The following AKNA variants were observed in gnomAD, a reference collection of about 807,000 sequenced individuals.
AKNA encodes AT-hook transcription factor.
In AKNA, 67 loss-of-function variants were observed where a neutral mutation model predicts 138.8. That is an observed-to-expected ratio of 0.48 (90% confidence interval 0.40 to 0.59). The LOEUF (loss-of-function observed/expected upper bound fraction) is 0.59, where lower values mean the gene tolerates loss of function less well. AKNA is among the 20% of genes least tolerant of loss of function. The pLI is 0.00. For synonymous variants in AKNA, 737 were observed against 754.4 expected (o/e 0.98, Z 0.38); for missense variants, 1,813 against 1,880.4 (o/e 0.96, Z 0.66).
At chr9:114,358,216 A>T in intron 11 of AKNA, 49 bp from the exon 12 acceptor site, 1 of 1,609,124 alleles carries the variant, frequency 6.2e-7, no homozygotes, top group Non-Finnish European at 8.5e-7. Context: ...GGCAGCCCTG[A>T]CGCAGGGGTT....
chr9:114,331,946 G>A (rs749340440), downstream of AKNA: 1 of 1,609,686 alleles, frequency 6.2e-7, no homozygotes. Context: ...GCAAGGGATT[G>A]GACAGTGCCC....
At chr9:114,379,169 G>A (rs764207655) in intron 2 of AKNA, among the ~76,000 whole-genome samples, 22 of 152,236 alleles carry the variant, frequency 1.4e-4, no homozygotes, top group Non-Finnish European at 2.6e-4. Context: ...AAGGGGCCTG[G>A]GCTTTGGAGC....
Position 114,341,531 on chromosome 9 carries a change from A to C in AKNA, c.4067+2T>G. The C allele has an allele frequency of 6.2e-7, 1 of 1,614,090 alleles. No individual in the cohort carries two copies. Among genetic ancestry groups the C allele is most frequent in the Non-Finnish European group, 8.5e-7 (1 of 1,180,004 alleles). ...TGGGAAGGTCAGAATGAAGGCTCTT[A>C]CACAGCGGCAGGTGGATAAGGCATG... is the stretch of plus-strand genomic sequence containing the variant. On this transcript the variant is annotated splice_donor_variant, in intron 21 of 21. Transcript: ENST00000374088. LOFTEE classifies it high-confidence loss of function.
chr9:114,356,075 G>A lies in AKNA; in HGVS notation c.2908C>T (p.Pro970Ser), dbSNP rs373403765. ...ASVPRDGASY[P>S]KARGSLIPRR... ...GGAATCAGAGAACCCCTGGCCTTGG[G>A]GTAGGAAGCTCCATCCCTGGGCACA... is the stretch of plus-strand genomic sequence containing the variant. The change falls in exon 14 of 22, where the codon CCC becomes TCC. Residue 970 changes from proline (P) to serine (S), a missense_variant. Transcript: ENST00000374088. 4.3e-6 allele frequency: 7 copies of A among 1,614,058 alleles called. No individual in the cohort carries two copies. Among genetic ancestry groups the A allele is most frequent in the African/African-American group, 1.3e-5 (1 of 74,912 alleles).
chr9:114,376,848 G>A lies in AKNA; in HGVS notation c.959C>T (p.Pro320Leu), dbSNP rs748825081. ...RFIGSISPLN[P>L]QPRPTRQGRP... ...GCCCTGCCGCGTTGGCCTGGGCTGGGGATTCAGGGGGCTGATGGAGCCAAT... is the reference window on the plus strand; with the variant it reads ...GCCCTGCCGCGTTGGCCTGGGCTGGAGATTCAGGGGGCTGATGGAGCCAAT... The change falls in exon 3 of 22, where the codon CCC (proline) becomes CTC (leucine). Residue 320 changes from proline (P) to leucine (L), a missense_variant. Pro to Leu is a moderately conservative substitution (Grantham distance 98, BLOSUM62 -3). Transcript: ENST00000374088. The A allele has an allele frequency of 3.1e-6, 5 of 1,614,054 alleles. No individual in the cohort carries two copies. Among genetic ancestry groups the A allele is most frequent in the Non-Finnish European group, 4.2e-6 (5 of 1,179,936 alleles).
chr9:114,370,518 T>A (rs1832693188), intron 4 of AKNA, among the ~76,000 whole-genome samples: 3 of 151,562 alleles, frequency 2.0e-5, no homozygotes. Flanking sequence ...GGCAGAGCGA[T>A]GAGGTGGGGA....
chr9:114,390,108 TG>T (rs2132149191), upstream of AKNA, among the ~76,000 whole-genome samples: 1 of 152,292 alleles, frequency 6.6e-6, no homozygotes, highest in East Asian at 1.9e-4. Context: ...TGGCTGCCAT[TG>T]CTGGGCATAG....
intron 1 of AKNA, among the ~76,000 whole-genome samples, chr9:114,385,871 G>C (rs930652452): frequency 6.6e-6 from 1 of 152,260 alleles, no homozygotes; most frequent in Non-Finnish European, 1.5e-5. Flanking sequence ...TGATAGAGAA[G>C]CAGGCTGGGC....
At chr9:114,344,585 C>G (rs923069416) in intron 18 of AKNA, 2 of 152,152 alleles carry the variant, frequency 1.3e-5, no homozygotes, top group African/African-American at 4.8e-5. Flanking sequence ...TCTTATTTTC[C>G]CGACGCGACA....
In AKNA at chr9:114,393,620, AAG is replaced by A. The variant is rs535678511; in HGVS notation, c.-114+735_-114+736del. Among the ~76,000 whole-genome samples, 520 of 152,292 alleles carry A rather than the reference AAG, an allele frequency of 3.4e-3. 4 individuals carry two copies. The highest frequency in any genetic ancestry group is 6.0e-3 in the Non-Finnish European group (407 of 68,024). On this transcript the variant is annotated intron_variant, in intron 1 of 21. Coordinates refer to the AKNA transcript ENST00000307564. ...GTGTCCCGTAACAGGTGATCATTGA[AAG>A]AAATTGTGATAGTTCCACTCAAAGG...
intron 1 of AKNA, among the ~76,000 whole-genome samples, 199 bp downstream of exon 1, chr9:114,387,661 G>A (rs1355110615): frequency 3.3e-5 from 5 of 152,202 alleles, no homozygotes; most frequent in Non-Finnish European, 5.9e-5. Flanking sequence ...GCATCCTGAG[G>A]CTTGACGAAA....
chr9:114,341,770 G>A (rs919724959), intron 20 of AKNA, 45 bp from the exon 21 acceptor site: 3 of 1,525,158 alleles, frequency 2.0e-6, no homozygotes, highest in Non-Finnish European at 2.6e-6. Flanking sequence ...CTGACCACTT[G>A]GCAGATCCAG....
upstream of AKNA, among the ~76,000 whole-genome samples, chr9:114,388,974 G>A (rs923231239): frequency 6.6e-6 from 1 of 152,352 alleles, no homozygotes. Context: ...AGTGTCCCAG[G>A]TGACTGGCCC....
intron 2 of AKNA, among the ~76,000 whole-genome samples, chr9:114,378,635 T>C (rs896458590): frequency 2.0e-5 from 3 of 152,026 alleles, no homozygotes; most frequent in African/African-American, 4.8e-5. Flanking sequence ...AGGAAATAGA[T>C]AGTTATTGTA....
At position 114,362,386 on chromosome 9, in the gene AKNA, C is replaced by A; in HGVS notation, c.1916+20G>T. 6.2e-7 allele frequency: 1 copy of A among 1,603,538 alleles called. No homozygotes were observed. Among genetic ancestry groups the A allele is most frequent in the Non-Finnish European group, 8.5e-7 (1 of 1,174,616 alleles). ...GGCCCATCCCATCTGTCCTTCCAGG[C>A]CTTCCACCCCAGCAGGTACCTGCGA... On this transcript the variant is annotated intron_variant, in intron 8 of 21. Transcript: ENST00000374088.
Position 114,377,346 on chromosome 9 carries a change from C to T in AKNA, c.461G>A (p.Gly154Asp). 1.2e-6 allele frequency: 2 copies of T among 1,613,864 alleles called. No individual in the cohort carries two copies. The highest frequency in any genetic ancestry group is 1.7e-6 in the Non-Finnish European group (2 of 1,179,858). Residue 154 changes from glycine to aspartate, a missense_variant, in exon 3 of 22, where the codon GGC becomes GAC. Gly to Asp is a moderately conservative substitution (Grantham distance 94, BLOSUM62 -1). Coordinates refer to ENST00000374088, the MANE Select transcript of AKNA (RefSeq NM_001317950.2). The stretch of plus-strand genomic sequence containing the variant: ...AGCCATGGGGCTGGTGTTTCCATGG[C>T]CTTCCAAGCTGAGACCAGCCTCATA... Reference protein sequence around the residue: ...LGYEAGLSLEGHGNTSPMALG... With the variant: ...LGYEAGLSLEDHGNTSPMALG...
intron 9 of AKNA, among the ~76,000 whole-genome samples, chr9:114,360,360 G>A (rs1175721875): frequency 1.3e-5 from 2 of 152,108 alleles, no homozygotes; most frequent in Non-Finnish European, 2.9e-5. Context: ...GGTAACTCAC[G>A]CTCAAATGAT....
chr9:114,338,162 C>T (rs923007899), intron 21 of AKNA, among the ~76,000 whole-genome samples: 1 of 152,232 alleles, frequency 6.6e-6, no homozygotes, highest in Non-Finnish European at 1.5e-5. Context: ...TCTTGCTTGG[C>T]ACACTGTAAA....
In AKNA at chr9:114,356,878, C is replaced by A; in HGVS notation, c.2831G>T (p.Arg944Leu). The A allele has an allele frequency of 6.4e-7, 1 of 1,554,814 alleles. No individual in the cohort carries two copies. Among genetic ancestry groups the A allele is most frequent in the Non-Finnish European group, 8.6e-7 (1 of 1,158,108 alleles). The stretch of plus-strand genomic sequence containing the variant: ...CCCGGGATACCTGATGTGGGAGAGC[C>A]GGTGCTCTGGAGTCTGGGTGAGGGG... The part of the protein sequence containing the change: ...VSPLTQTPEH[R>L]LSHISTAGTL... The change falls in exon 13 of 22, where the codon CGG (arginine) becomes CTG (leucine). Residue 944 changes from arginine (R) to leucine (L), a missense_variant. Transcript: ENST00000374088.
Sources: gnomAD v4.1 joint callset for allele counts (sites outside exome capture counted in the v4.1 genomes callset) on GRCh38, gnomAD v4.1.1 for gene constraint, MANE v1.5 for transcripts, NCBI Gene and HGNC (gene_info 2026-07-23, HGNC 2026-07-21) for gene names.